OR2T11: variants seen among roughly 807,000 people sequenced by gnomAD.
OR2T11 encodes the protein olfactory receptor family 2 subfamily T member 11.
A neutral mutation model predicts 13.5 loss-of-function variants in OR2T11; 14 were observed. The observed-to-expected ratio is 1.04, with a 90% CI of 0.69 to 1.62. The LOEUF is 1.62. Ranked by LOEUF, OR2T11 falls within the 40% of genes most tolerant of loss-of-function variation. The pLI is 0.00. For missense variants in OR2T11, 410 were observed against 389.7 expected (o/e 1.05, Z -0.44); for synonymous variants, 163 against 154.6 (o/e 1.05, Z -0.40).
chr1:248,631,607 T>C (rs1660616473), intron 1 of OR2T11, among the ~76,000 whole-genome samples: 1 of 143,472 alleles, frequency 7.0e-6, no homozygotes, highest in Non-Finnish European at 1.5e-5. Context: ...AAAGTTGAAT[T>C]TCTGATCACA....
chr1:248,633,046 C>T (rs1329644127), intron 1 of OR2T11, among the ~76,000 whole-genome samples: 2 of 79,812 alleles, frequency 2.5e-5, no homozygotes, highest in East Asian at 3.3e-4. Flanking sequence ...AGAGCGTGCA[C>T]TGAGTCAATG....
In OR2T11 at chr1:248,625,796, CAG is replaced by C. The variant is rs1171347422; in HGVS notation, c.*380_*381del. 6.4e-6 allele frequency: 1 copy of C among 157,412 alleles called. No homozygotes were observed. The allele number at this position is 157,412 out of a possible 1,614,324, so 9.8% of individuals were successfully genotyped here. Reference sequence around the variant, plus strand: ...TCTTTTACTCTATTGCTGCTAATCACAGAATTTGACTGTAAACATTTGATAGC... The same window carrying C: ...TCTTTTACTCTATTGCTGCTAATCACAATTTGACTGTAAACATTTGATAGC... On this transcript the variant is annotated 3_prime_UTR_variant, in exon 2 of 2. Transcript: ENST00000641193.
In OR2T11 at chr1:248,634,860, T is replaced by G. The variant is rs1660665319; in HGVS notation, c.-145+178A>C. On this transcript the variant is annotated intron_variant, in intron 1 of 1. Coordinates refer to ENST00000641193, the MANE Select transcript of OR2T11 (RefSeq NM_001001964.2). ...TAAATAATTATCTAATTATCTTCAG[T>G]TTCTCTGATCATTCCTTTTTGCCTG... Among the ~76,000 whole-genome samples the G allele has an allele frequency of 1.4e-5, 2 of 144,650 alleles. 1 individual carries two copies. Among genetic ancestry groups the G allele is most frequent in the Non-Finnish European group, 3.0e-5 (2 of 66,514 alleles). 94.9% of individuals were successfully genotyped at this position (144,650 alleles called of 152,430 possible).
At position 248,626,154 on chromosome 1, in the gene OR2T11, C is replaced by A. The variant is rs750255741; in HGVS notation, c.*24G>T. ...GCAAATGGAGGAAGTCCTTAGGAAGCCTTATCCTCTGGGCAGTGACTCTCT... is the reference window on the plus strand; with the variant it reads ...GCAAATGGAGGAAGTCCTTAGGAAGACTTATCCTCTGGGCAGTGACTCTCT... On this transcript the variant is annotated 3_prime_UTR_variant, in exon 2 of 2. Coordinates refer to ENST00000641193, the MANE Select transcript of OR2T11 (RefSeq NM_001001964.2). 2.7e-5 allele frequency: 36 copies of A among 1,315,668 alleles called. 2 individuals carry two copies. The highest frequency in any genetic ancestry group is 3.5e-5 in the Non-Finnish European group (33 of 929,706). 81.5% of individuals were successfully genotyped at this position (1,315,668 alleles called of 1,614,324 possible).
chr1:248,628,261 G>T (rs1245069997), intron 1 of OR2T11, among the ~76,000 whole-genome samples: 1 of 143,526 alleles, frequency 7.0e-6, no homozygotes, highest in Non-Finnish European at 1.5e-5. Context: ...CCAGGTGGAA[G>T]ATAGATTTAA....
chr1:248,625,330 C>T lies in OR2T11; in HGVS notation c.*848G>A, dbSNP rs549729685. 5.6e-5 allele frequency: 8 copies of T among 143,718 alleles called. 1 individual carries two copies. The South Asian group carries it at 1.1e-3, about 20-fold the overall frequency. 8.9% of individuals were successfully genotyped at this position (143,718 alleles called of 1,614,324 possible). On this transcript the variant is annotated 3_prime_UTR_variant, in exon 2 of 2. Transcript: ENST00000641193. ...TGTAGGCATAGTGATGCTTTAAAAA[C>T]GTGTCTGTTATCATGTAACACCCGC... is the stretch of plus-strand genomic sequence containing the variant.
intron 1 of OR2T11, among the ~76,000 whole-genome samples, chr1:248,628,397 C>G (rs1199261682): frequency 7.1e-6 from 1 of 139,998 alleles, no homozygotes; most frequent in African/African-American, 2.9e-5. Context: ...AAATGAAAGT[C>G]CGATCAACGG....
At chr1:248,634,591 T>G (rs1248142175) in intron 1 of OR2T11, among the ~76,000 whole-genome samples, 4 of 139,424 alleles carry the variant, frequency 2.9e-5, no homozygotes, top group Non-Finnish European at 6.1e-5. Flanking sequence ...ATCAGCCTGT[T>G]GTTTTAACTA....
rs1191194436 is a variant in OR2T11 at position 248,632,360 on chromosome 1, GAT to G, written c.-145+2676_-145+2677del. 3.6e-5 allele frequency among the ~76,000 whole-genome samples: 5 copies of G among 138,832 alleles called. 1 individual carries two copies. Among genetic ancestry groups the G allele is most frequent in the African/African-American group, 8.7e-5 (3 of 34,590 alleles). 91.1% of individuals were successfully genotyped at this position (138,832 alleles called of 152,430 possible). On this transcript the variant is annotated intron_variant, in intron 1 of 1. Transcript: ENST00000641193. ...CTCTAATGGACAGATTTTTTTAAAA[GAT>G]AATTTGAAGGGCCAACTGTGTAGTC... is the stretch of plus-strand genomic sequence containing the variant.
chr1:248,626,122 A>C lies in OR2T11; in HGVS notation c.*56T>G, dbSNP rs112945936. ...ATAGCTGAGCAGATCATCTCCAGGG[A>C]AACAGGGCAAATGGAGGAAGTCCTT... On this transcript the variant is annotated 3_prime_UTR_variant, in exon 2 of 2. Coordinates refer to ENST00000641193, the MANE Select transcript of OR2T11 (RefSeq NM_001001964.2). The C allele has an allele frequency of 8.5e-3, 8,233 of 972,840 alleles. 1,595 individuals carry two copies. In the African/African-American group the frequency reaches 0.12, roughly 14 times the overall value. The allele number at this position is 972,840 out of a possible 1,614,324, so 60.3% of individuals were successfully genotyped here. A position where few individuals can be genotyped will look rare whatever the true frequency, so the allele number is the denominator to read the frequency against.
rs150601677 is a variant in OR2T11 at position 248,626,334 on chromosome 1, G to T, written c.795C>A (p.Pro265=). Residue 265 remains proline, a synonymous_variant, in exon 2 of 2, where the codon CCC becomes CCA. Coordinates refer to ENST00000641193, the MANE Select transcript of OR2T11 (RefSeq NM_001001964.2). ...TYVLPQSFHT[P]EQDKVVSAFY... is the part of the protein sequence containing the mutation. The stretch of plus-strand genomic sequence containing the variant: ...AGGCTGACACTACTTTGTCCTGCTC[G>T]GGGGTGTGGAAGGACTGGGGCAGCA... 1.9e-6 allele frequency: 3 copies of T among 1,572,740 alleles called. No homozygotes were observed. Among genetic ancestry groups the T allele is most frequent in the South Asian group, 2.3e-5 (2 of 88,884 alleles).
chr1:248,633,646 A>G (rs1660644073), intron 1 of OR2T11, among the ~76,000 whole-genome samples: 1 of 139,678 alleles, frequency 7.2e-6, no homozygotes, highest in African/African-American at 2.9e-5. Flanking sequence ...ACTATGTTCA[A>G]ACATGTTTTC....
chr1:248,628,235 TTTTATC>T lies in OR2T11; in HGVS notation c.-144-969_-144-964del, dbSNP rs1237003839. On this transcript the variant is annotated intron_variant, in intron 1 of 1. Coordinates refer to ENST00000641193, the MANE Select transcript of OR2T11 (RefSeq NM_001001964.2). ...CAACAGGCCACCGTTTAAGAAGGAA[TTTTATC>T]TTTAACATACCAGGTGGAAGATAGA... Among the ~76,000 whole-genome samples, 46 of 143,322 alleles carry T rather than the reference TTTTATC, an allele frequency of 3.2e-4. 11 individuals carry two copies. The highest frequency in any genetic ancestry group is 1.2e-3 in the African/African-American group (45 of 36,474). The allele number at this position is 143,322 out of a possible 152,430, so 94.0% of individuals were successfully genotyped here. A position where few individuals can be genotyped will look rare whatever the true frequency, so the allele number is the denominator to read the frequency against.
chr1:248,626,010 A>G lies in OR2T11; in HGVS notation c.*168T>C, dbSNP rs115417385. The G allele has an allele frequency of 9.5e-3, 4,961 of 522,532 alleles. 995 individuals carry two copies. Among genetic ancestry groups the G allele is most frequent in the African/African-American group, 0.089 (4,109 of 46,300 alleles). The allele number at this position is 522,532 out of a possible 1,614,324, so 32.4% of individuals were successfully genotyped here. A position where few individuals can be genotyped will look rare whatever the true frequency, so the allele number is the denominator to read the frequency against. ...ATACTTCACTGAAAGATCTCTGCAT[A>G]ACAGTAAAACATCTTTCCCTTGCTC... On this transcript the variant is annotated 3_prime_UTR_variant, in exon 2 of 2. Transcript: ENST00000641193.
rs369739417 is a variant in OR2T11, at chr1:248,626,400, A to G, written c.729T>C (p.Thr243=). 2.5e-6 allele frequency: 4 copies of G among 1,572,518 alleles called. No homozygotes were observed. Among genetic ancestry groups the G allele is most frequent in the Non-Finnish European group, 3.5e-6 (4 of 1,156,268 alleles). Residue 243 remains threonine (T), a synonymous_variant, in exon 2 of 2, where the codon ACT becomes ACC. Transcript: ENST00000641193. ...CAGCCCCATAGAAGATGCTAACTACAGTCAAGTGGGAGGAACAAGTGGTGA... is the reference window on the plus strand; with the variant it reads ...CAGCCCCATAGAAGATGCTAACTACGGTCAAGTGGGAGGAACAAGTGGTGA... ...KAFTTCSSHL[T]VVSIFYGAAF... is the part of the protein sequence containing the mutation.
intron 1 of OR2T11, among the ~76,000 whole-genome samples, chr1:248,633,647 A>G (rs1446193425): frequency 7.2e-6 from 1 of 139,612 alleles, no homozygotes; most frequent in Admixed American, 7.0e-5. Flanking sequence ...CTATGTTCAA[A>G]CATGTTTTCT....
chr1:248,624,091 C>T lies in OR2T11; in HGVS notation c.*2087G>A, dbSNP rs1572100113. ...TGTCACTGAGTTGGCCATGCTCTTA[C>T]AAAAGTTCAAACTCTCCACTTCTAA... On this transcript the variant is annotated 3_prime_UTR_variant, in exon 2 of 2. Transcript: ENST00000641193. 2.8e-5 allele frequency: 4 copies of T among 142,312 alleles called. 1 individual carries two copies. Among genetic ancestry groups the T allele is most frequent in the Admixed American group, 6.8e-5 (1 of 14,612 alleles). 8.8% of individuals were successfully genotyped at this position (142,312 alleles called of 1,614,324 possible).
chr1:248,629,557 C>A (rs1660575128), intron 1 of OR2T11, among the ~76,000 whole-genome samples: 1 of 140,652 alleles, frequency 7.1e-6, no homozygotes, highest in African/African-American at 2.9e-5. Context: ...ATGAATCCCT[C>A]CAAGTCTAGT....
intron 1 of OR2T11, among the ~76,000 whole-genome samples, chr1:248,631,819 G>GAGTCATTGCCCTC (rs1660619783): frequency 7.0e-6 from 1 of 142,956 alleles, no homozygotes; most frequent in South Asian, 2.2e-4. Context: ...CGTCACTGTT[G>GAGTCATTGCCCTC]TGCAATTGCA....
Sources: gnomAD v4.1 joint callset for allele counts (sites outside exome capture counted in the v4.1 genomes callset) on GRCh38, gnomAD v4.1.1 for gene constraint, MANE v1.5 for transcripts, NCBI Gene and HGNC (gene_info 2026-07-23, HGNC 2026-07-21) for gene names.